PPARGC1A: variants seen among roughly 807,000 people sequenced by gnomAD.
The protein encoded by PPARGC1A is peroxisome proliferator-activated receptor gamma coactivator 1-alpha.
PPARGC1A carries 25 observed loss-of-function variants against 88.7 expected under a neutral mutation model. The ratio of observed to expected loss-of-function variants is 0.28; its 90% CI spans 0.21 to 0.39. The LOEUF (loss-of-function observed/expected upper bound fraction) is 0.39. Among genes scored for constraint, PPARGC1A ranks in the 10% least tolerant of loss-of-function variants. PPARGC1A has a pLI of 1.00. For missense variants in PPARGC1A, 880 were observed against 968.7 expected (o/e 0.91, Z 1.22); for synonymous variants, 363 against 355.6 (o/e 1.02, Z -0.24).
chr4:24,351,427 G>C, the PPARGC1A span, among the ~76,000 whole-genome samples: 1 of 150,604 alleles, frequency 6.6e-6, no homozygotes, highest in Non-Finnish European at 1.5e-5. Flanking sequence ...AAAGAAAGAA[G>C]GTAAAATTTA....
chr4:24,047,606 G>A, the PPARGC1A span, among the ~76,000 whole-genome samples: 1 of 152,154 alleles, frequency 6.6e-6, no homozygotes, highest in Admixed American at 6.5e-5. Context: ...GGCAGGATTG[G>A]AACCCGGGCA....
chr4:23,879,738 T>G (rs1225832825), intron 2 of PPARGC1A, among the ~76,000 whole-genome samples: 7 of 152,216 alleles, frequency 4.6e-5, no homozygotes, highest in African/African-American at 1.7e-4. Flanking sequence ...CTCTTACGAC[T>G]GTCAGCATTA....
chr4:24,280,188 A>G, the PPARGC1A span, among the ~76,000 whole-genome samples: 6 of 152,336 alleles, frequency 3.9e-5, no homozygotes, highest in Admixed American at 1.3e-4. Flanking sequence ...TTAATTCCAC[A>G]TAATACGGAG....
At chr4:24,235,298 A>C in the PPARGC1A span, among the ~76,000 whole-genome samples, 1 of 152,194 alleles carries the variant, frequency 6.6e-6, no homozygotes, top group African/African-American at 2.4e-5. Context: ...TCTTTCACAT[A>C]AAGGTATCTT....
chr4:24,407,384 G>A, the PPARGC1A span, among the ~76,000 whole-genome samples: 21 of 152,280 alleles, frequency 1.4e-4, no homozygotes, highest in African/African-American at 4.8e-4. Context: ...CTTTACAGAG[G>A]TAGCAGGCCA....
the PPARGC1A span, among the ~76,000 whole-genome samples, chr4:24,037,644 C>T: frequency 1.8e-4 from 27 of 152,280 alleles, no homozygotes; most frequent in Admixed American, 5.2e-4. Context: ...TCCTGATTAC[C>T]GACAGATTTC....
the PPARGC1A span, among the ~76,000 whole-genome samples, chr4:24,469,641 C>CAG: frequency 2.7e-3 from 417 of 152,310 alleles, 1 homozygote; most frequent in African/African-American, 9.6e-3. Flanking sequence ...CTCCAGAGAG[C>CAG]AGAGCCAGCT....
intron 2 of PPARGC1A, among the ~76,000 whole-genome samples, chr4:23,850,977 A>G (rs757587950): frequency 6.6e-6 from 1 of 152,142 alleles, no homozygotes; most frequent in Non-Finnish European, 1.5e-5. Context: ...TCTTTGGGGG[A>G]AAAAGTAGCT....
chr4:23,991,726 A>G, the PPARGC1A span, among the ~76,000 whole-genome samples: 3 of 151,986 alleles, frequency 2.0e-5, no homozygotes, highest in Non-Finnish European at 4.4e-5. Context: ...CATCACACTA[A>G]CAAGAGGCAT....
the PPARGC1A span, among the ~76,000 whole-genome samples, chr4:24,106,054 C>G: frequency 6.6e-6 from 1 of 152,216 alleles, no homozygotes; most frequent in Admixed American, 6.5e-5. Context: ...TCAGTCCCTT[C>G]TTTCTGGTGC....
the PPARGC1A span, among the ~76,000 whole-genome samples, chr4:24,114,255 T>TG: frequency 6.6e-6 from 1 of 152,206 alleles, no homozygotes; most frequent in East Asian, 1.9e-4. Context: ...AGTGAACCAC[T>TG]GTTAGCTGGG....
At chr4:24,320,548 A>G in the PPARGC1A span, among the ~76,000 whole-genome samples, 1 of 152,216 alleles carries the variant, frequency 6.6e-6, no homozygotes, top group Non-Finnish European at 1.5e-5. Flanking sequence ...CATTTCCTAA[A>G]TATGTTTAAG....
chr4:23,971,996 G>T, the PPARGC1A span, among the ~76,000 whole-genome samples: 2 of 151,686 alleles, frequency 1.3e-5, no homozygotes, highest in Non-Finnish European at 2.9e-5. Flanking sequence ...ATAATCTACC[G>T]TCAGGACCAT....
In PPARGC1A at chr4:23,813,752, C is replaced by T. The variant is rs146697747; in HGVS notation, c.1731G>A (p.Ser577=). ...SRSRSFSRHR[S]CSRSPYSRSR... is the part of the protein sequence containing the mutation. Reference sequence around the variant, plus strand: ...ACCTGGAATATGGTGATCGGGAACACGACCTGTGTCGAGAAAAGGACCTTG... The same window carrying T: ...ACCTGGAATATGGTGATCGGGAACATGACCTGTGTCGAGAAAAGGACCTTG... The change falls in exon 8 of 13, where the codon TCG becomes TCA. Residue 577 remains serine, a synonymous_variant. Transcript: ENST00000264867. 70 of 1,612,910 alleles carry T rather than the reference C, an allele frequency of 4.3e-5. No individual in the cohort carries two copies. The highest frequency in any genetic ancestry group is 3.9e-4 in the African/African-American group (29 of 74,886).
chr4:24,327,614 A>G, the PPARGC1A span, among the ~76,000 whole-genome samples: 1 of 151,920 alleles, frequency 6.6e-6, no homozygotes, highest in African/African-American at 2.4e-5. Context: ...GTTTCTTCTA[A>G]CAACCCCACA....
chr4:24,107,849 G>A, the PPARGC1A span, among the ~76,000 whole-genome samples: 1 of 152,322 alleles, frequency 6.6e-6, no homozygotes, highest in Admixed American at 6.5e-5. Flanking sequence ...CAGGGTGATA[G>A]AGTTTCAGAA....
the PPARGC1A span, among the ~76,000 whole-genome samples, chr4:24,288,706 G>A: frequency 7.2e-5 from 11 of 151,836 alleles, no homozygotes; most frequent in African/African-American, 2.7e-4. Context: ...TTTTCTACAA[G>A]AACAAGACAT....
At chr4:23,945,399 G>A in the PPARGC1A span, among the ~76,000 whole-genome samples, 2 of 152,004 alleles carry the variant, frequency 1.3e-5, no homozygotes, top group Non-Finnish European at 2.9e-5. Flanking sequence ...GTTCCCCAAG[G>A]AATAGAATTT....
chr4:24,206,947 AT>A, the PPARGC1A span, among the ~76,000 whole-genome samples: 2 of 144,780 alleles, frequency 1.4e-5, no homozygotes, highest in Non-Finnish European at 1.5e-5. Flanking sequence ...TATTTTTCAC[AT>A]TTTTTTACAA....
Sources: gnomAD v4.1 joint callset for allele counts (sites outside exome capture counted in the v4.1 genomes callset) on GRCh38, gnomAD v4.1.1 for gene constraint, MANE v1.5 for transcripts, NCBI Gene and HGNC (gene_info 2026-07-23, HGNC 2026-07-21) for gene names.